RGS6: variants seen among roughly 807,000 people sequenced by gnomAD.
RGS6 encodes regulator of G protein signaling 6.
RGS6 carries 30 observed loss-of-function variants against 78.5 expected under a neutral mutation model. That is an observed-to-expected ratio of 0.38 (90% CI 0.29 to 0.52). RGS6 has a LOEUF of 0.52. RGS6 is among the 20% of genes least tolerant of loss of function. The probability of loss-of-function intolerance (pLI) is 0.85; values close to 1 mark genes in which losing one functional copy is unlikely to be tolerated. For missense variants in RGS6, 495 were observed against 609.7 expected, an observed-to-expected ratio of 0.81 and a Z score of 1.98; for synonymous variants, 206 against 206.0, an observed-to-expected ratio of 1.00 and a Z score of 0.00.
intron 2 of RGS6, among the ~76,000 whole-genome samples, chr14:72,266,349 G>A (rs766446164): frequency 6.6e-6 from 1 of 152,084 alleles, no homozygotes; most frequent in Non-Finnish European, 1.5e-5. Context: ...GAAAGGAAGT[G>A]TAAGTGGCCA....
intron 2 of RGS6, among the ~76,000 whole-genome samples, chr14:72,248,623 T>C (rs1165728931): frequency 1.3e-5 from 2 of 152,232 alleles, no homozygotes; most frequent in South Asian, 2.1e-4. Flanking sequence ...TTTAATTCTT[T>C]CTTTGGTTAC....
intron 3 of RGS6, among the ~76,000 whole-genome samples, chr14:72,412,848 G>A (rs957942787): frequency 1.3e-5 from 2 of 152,108 alleles, no homozygotes; most frequent in Admixed American, 1.3e-4. Flanking sequence ...TCAGGAGCAG[G>A]TTGTTCAGTT....
At chr14:72,209,113 C>T (rs562161249) in intron 2 of RGS6, among the ~76,000 whole-genome samples, 5 of 152,108 alleles carry the variant, frequency 3.3e-5, no homozygotes, top group South Asian at 2.1e-4. Flanking sequence ...TGGTGGCACA[C>T]GACTGTGGTC....
At chr14:72,486,974 C>A (rs2096498099) in intron 12 of RGS6, among the ~76,000 whole-genome samples, 1 of 152,118 alleles carries the variant, frequency 6.6e-6, no homozygotes, top group South Asian at 2.1e-4. Flanking sequence ...GCTACCCCAG[C>A]TGTGAAGTTA....
At chr14:71,867,982 A>T in the RGS6 span, among the ~76,000 whole-genome samples, 1 of 152,204 alleles carries the variant, frequency 6.6e-6, no homozygotes, top group African/African-American at 2.4e-5. Flanking sequence ...TCTCACATCC[A>T]TGAGGCCTGT....
intron 2 of RGS6, among the ~76,000 whole-genome samples, chr14:72,064,191 A>G (rs1567130874): frequency 6.6e-6 from 1 of 151,754 alleles, no homozygotes; most frequent in Non-Finnish European, 1.5e-5. Context: ...GTGAAGGAGG[A>G]GGGAGTGATT....
intron 13 of RGS6, among the ~76,000 whole-genome samples, chr14:72,497,230 A>G (rs918621182): frequency 5.3e-5 from 8 of 152,176 alleles, no homozygotes; most frequent in African/African-American, 1.4e-4. Flanking sequence ...ATTTCCCCAC[A>G]TTCTTACCAT....
At chr14:71,885,182 A>G in the RGS6 span, among the ~76,000 whole-genome samples, 1 of 152,184 alleles carries the variant, frequency 6.6e-6, no homozygotes, top group Non-Finnish European at 1.5e-5. Flanking sequence ...TTTAAATTAT[A>G]AACAAATTTT....
At chr14:72,226,400 T>G (rs2048133048) in intron 2 of RGS6, among the ~76,000 whole-genome samples, 1 of 152,226 alleles carries the variant, frequency 6.6e-6, no homozygotes, top group African/African-American at 2.4e-5. Context: ...TATGATTTCT[T>G]CTATCTAACT....
intron 13 of RGS6, among the ~76,000 whole-genome samples, chr14:72,495,677 C>G (rs2096635995): frequency 1.3e-5 from 2 of 152,182 alleles, no homozygotes; most frequent in Non-Finnish European, 2.9e-5. Context: ...ATTCTCACCA[C>G]TCAGCAGTTA....
chr14:72,327,388 T>C (rs184650840), intron 2 of RGS6, among the ~76,000 whole-genome samples: 1 of 152,320 alleles, frequency 6.6e-6, no homozygotes, highest in African/African-American at 2.4e-5. Flanking sequence ...AATTGCTTAG[T>C]AAATGCCCTC....
At position 72,352,913 on chromosome 14, in the gene RGS6, C is replaced by T. The variant is rs77428120; in HGVS notation, c.184+719C>T. On this transcript the variant is annotated intron_variant, in intron 3 of 17. Transcript: ENST00000553525. ...ATCTTTTGCTATCCAAACAAGTAAC[C>T]AAATAAATTAAGATAAAATTTTAGA... Among the ~76,000 whole-genome samples, 4 of 152,222 alleles carry T rather than the reference C, an allele frequency of 2.6e-5. No homozygotes were observed. In the East Asian group the frequency reaches 5.8e-4, roughly 22 times the overall value.
intron 2 of RGS6, among the ~76,000 whole-genome samples, chr14:72,178,977 T>C (rs749233615): frequency 6.6e-5 from 10 of 152,244 alleles, no homozygotes; most frequent in Non-Finnish European, 1.0e-4. Context: ...TAGACATTTA[T>C]GCACGACGTT....
chr14:72,593,120 A>G, the RGS6 span, among the ~76,000 whole-genome samples: 71,581 of 151,934 alleles, frequency 0.47, 18,111 homozygotes, highest in African/African-American at 0.63. Flanking sequence ...GCAGGAGAGG[A>G]CAGAAGGAAG....
At chr14:72,583,021 A>C in the RGS6 span, among the ~76,000 whole-genome samples, 1 of 152,168 alleles carries the variant, frequency 6.6e-6, no homozygotes, top group African/African-American at 2.4e-5. Flanking sequence ...GTACAAAAAA[A>C]GGGCAGAGGA....
intron 2 of RGS6, among the ~76,000 whole-genome samples, chr14:72,041,322 T>G (rs150827038): frequency 6.6e-6 from 1 of 152,178 alleles, no homozygotes; most frequent in Non-Finnish European, 1.5e-5. Flanking sequence ...TGCATGTAAT[T>G]TCCCAATTAG....
At chr14:72,506,332 A>G (rs767329650) in intron 13 of RGS6, among the ~76,000 whole-genome samples, 1 of 152,234 alleles carries the variant, frequency 6.6e-6, no homozygotes, top group Non-Finnish European at 1.5e-5. Context: ...TCGCTACACA[A>G]TGGATGTAAA....
chr14:71,880,161 G>T, the RGS6 span, among the ~76,000 whole-genome samples: 19 of 152,152 alleles, frequency 1.2e-4, no homozygotes, highest in African/African-American at 4.8e-5. Flanking sequence ...ATGATTTAGG[G>T]TATCTGGCAG....
At chr14:72,467,853 GCTGTTGTACTCT>G (rs2095963778) in intron 7 of RGS6, among the ~76,000 whole-genome samples, 1 of 152,100 alleles carries the variant, frequency 6.6e-6, no homozygotes, top group Admixed American at 6.5e-5. Flanking sequence ...TCAAAAGACT[GCTGTTGTACTCT>G]TTGTGCGCCC....
Sources: allele counts gnomAD v4.1 joint callset (sites outside exome capture counted in the v4.1 genomes callset), GRCh38; gene constraint gnomAD v4.1.1; transcripts MANE v1.5; gene names NCBI Gene and HGNC (gene_info 2026-07-23, HGNC 2026-07-21).